Variants in DDX4 observed in about 807,000 individuals in gnomAD.
DDX4 encodes the protein probable ATP-dependent RNA helicase DDX4.
DDX4 carries 25 observed loss-of-function variants against 100.0 expected under a neutral mutation model. The observed-to-expected ratio is 0.25, with a 90% CI of 0.18 to 0.35. The LOEUF (loss-of-function observed/expected upper bound fraction) is 0.35, where lower values mean the gene tolerates loss of function less well. Ranked by LOEUF, DDX4 falls within the 10% of genes least tolerant of loss-of-function variation. The probability of loss-of-function intolerance (pLI) is 1.00; values close to 1 mark genes in which losing one functional copy is unlikely to be tolerated. For synonymous variants in DDX4, 259 were observed against 275.7 expected (o/e 0.94, Z 0.60); for missense variants, 635 against 882.4 (o/e 0.72, Z 3.55).
At chr5:55,761,243 A>C (rs1361874836) in intron 4 of DDX4, among the ~76,000 whole-genome samples, 1 of 152,200 alleles carries the variant, frequency 6.6e-6, no homozygotes, top group African/African-American at 2.4e-5. Flanking sequence ...TTGTGCTAAG[A>C]GATTCAGATG....
intron 18 of DDX4, among the ~76,000 whole-genome samples, chr5:55,804,638 T>A (rs1329910833): frequency 1.3e-5 from 2 of 152,042 alleles, no homozygotes; most frequent in South Asian, 4.1e-4. Context: ...GTTGTAGATA[T>A]GCTGCGTTAT....
chr5:55,812,508 GAGCCGAGATTGTGCCACTGCACTCCAGCA>G (rs375558930), intron 18 of DDX4, among the ~76,000 whole-genome samples: 16,362 of 151,592 alleles, frequency 0.11, 1,021 homozygotes, highest in Middle Eastern at 0.15. Flanking sequence ...AGGTTGCAGT[GAGCCGAGATTGTGCCACTGCACTCCAGCA>G]AGCCGAGATT....
intron 18 of DDX4, among the ~76,000 whole-genome samples, 164 bp downstream of exon 18, chr5:55,798,735 G>A (rs1743121604): frequency 6.6e-6 from 1 of 151,938 alleles, no homozygotes. Context: ...AGTTTTCTGG[G>A]TAAATTATAT....
chr5:55,765,413 A>AAAATATATATATATAT (rs1392558099), intron 6 of DDX4, among the ~76,000 whole-genome samples: 3 of 83,044 alleles, frequency 3.6e-5, no homozygotes, highest in Non-Finnish European at 6.4e-5. Flanking sequence ...AAAAAAAAAA[A>AAAATATATATATATAT]ATATATATAT....
chr5:55,751,283 G>A (rs1348224156), intron 3 of DDX4, among the ~76,000 whole-genome samples: 2 of 152,114 alleles, frequency 1.3e-5, no homozygotes, highest in Non-Finnish European at 2.9e-5. Context: ...GTCCAGGCTG[G>A]AGTGCAGTGC....
chr5:55,806,993 A>C (rs1743774230), intron 18 of DDX4, among the ~76,000 whole-genome samples: 1 of 152,180 alleles, frequency 6.6e-6, no homozygotes, highest in African/African-American at 2.4e-5. Context: ...TTGCTTTATG[A>C]ATCTGGGTGC....
rs138546113 is a variant in DDX4, at chr5:55,810,614, G to A, written c.1616-3059G>A. Among the ~76,000 whole-genome samples the A allele has an allele frequency of 7.0e-3, 1,070 of 152,202 alleles. 50 individuals are homozygous for A. Among genetic ancestry groups the A allele is most frequent in the Admixed American group, 0.066 (1,007 of 15,286 alleles). On this transcript the variant is annotated intron_variant, in intron 18 of 21. Coordinates refer to ENST00000505374, the MANE Select transcript of DDX4 (RefSeq NM_024415.3). ...CTATTCTCTTTAATCTTGGAAAAGT[G>A]TAGTCTTTTCTGGTTTGACAACTCT... is the stretch of plus-strand genomic sequence containing the variant.
chr5:55,786,552 A>G lies in DDX4; in HGVS notation c.899A>G (p.Asn300Ser). 2 of 1,613,408 alleles carry G rather than the reference A, an allele frequency of 1.2e-6. No individual in the cohort carries two copies. The highest frequency in any genetic ancestry group is 8.5e-7 in the Non-Finnish European group (1 of 1,179,410). The change falls in exon 14 of 22, where the codon AAT (asparagine) becomes AGT (serine). Residue 300 changes from asparagine (N) to serine (S), a missense_variant. Asn to Ser is a conservative substitution (Grantham distance 46). Coordinates refer to ENST00000505374, the MANE Select transcript of DDX4 (RefSeq NM_024415.3). ...FEEANLCQTL[N>S]NNIAKAGYTK... Reference sequence around the variant, plus strand: ...GAAGCTAATCTCTGTCAGACACTGAATAACAACATTGCTAAAGCTGGTTAT... The same window carrying G: ...GAAGCTAATCTCTGTCAGACACTGAGTAACAACATTGCTAAAGCTGGTTAT...
chr5:55,775,327 G>C (rs1741491687), intron 7 of DDX4, among the ~76,000 whole-genome samples: 1 of 152,170 alleles, frequency 6.6e-6, no homozygotes, highest in South Asian at 2.1e-4. Context: ...ACAGTTATCT[G>C]TTTGAGTCCC....
chr5:55,815,356 G>A lies in DDX4; in HGVS notation c.2030G>A (p.Ser677Asn). 6.2e-7 allele frequency: 1 copy of A among 1,613,750 alleles called. No homozygotes were observed. The highest frequency in any genetic ancestry group is 8.5e-7 in the Non-Finnish European group (1 of 1,179,962). Residue 677 changes from serine (S) to asparagine (N), a missense_variant, in exon 21 of 22, where the codon AGT becomes AAT. Ser to Asn is a conservative substitution (Grantham distance 46). Coordinates refer to ENST00000505374, the MANE Select transcript of DDX4 (RefSeq NM_024415.3). ...GCATGGTTGGAAGAAATTGCCTTTAGTACATACATTCCTGGCTTCAGTGGT... is the reference window on the plus strand; with the variant it reads ...GCATGGTTGGAAGAAATTGCCTTTAATACATACATTCCTGGCTTCAGTGGT... ...VPAWLEEIAF[S>N]TYIPGFSGST...
At chr5:55,739,427 A>G (rs1263785264) in intron 2 of DDX4, among the ~76,000 whole-genome samples, 1 of 152,214 alleles carries the variant, frequency 6.6e-6, no homozygotes, top group Non-Finnish European at 1.5e-5. Flanking sequence ...GGTTCTCAGG[A>G]TAAATGATAC....
intron 15 of DDX4, 50 bp from the exon 16 acceptor site, chr5:55,790,526 G>T: frequency 8.3e-7 from 1 of 1,205,338 alleles, no homozygotes. Context: ...AGAAACAGAT[G>T]CCTAATTTTT....
intron 7 of DDX4, 195 bp downstream of exon 7, chr5:55,768,135 TTTTTAAG>T (rs1741044910): frequency 1.8e-6 from 1 of 565,800 alleles, no homozygotes; most frequent in Non-Finnish European, 3.2e-6. Context: ...TTATTTTATT[TTTTTAAG>T]TTTTTGGTTC....
intron 3 of DDX4, among the ~76,000 whole-genome samples, chr5:55,759,001 G>A (rs1452603489): frequency 6.6e-6 from 1 of 150,418 alleles, no homozygotes; most frequent in Non-Finnish European, 1.5e-5. Flanking sequence ...TGATCCTCCT[G>A]CCTTAACCTC....
intron 18 of DDX4, among the ~76,000 whole-genome samples, chr5:55,804,223 C>A (rs1422920247): frequency 7.2e-5 from 11 of 152,044 alleles, no homozygotes; most frequent in African/African-American, 2.7e-4. Flanking sequence ...TGGATATTAG[C>A]CCTTTGTCAG....
intron 3 of DDX4, among the ~76,000 whole-genome samples, chr5:55,755,698 T>A (rs1314399740): frequency 6.6e-6 from 1 of 152,142 alleles, no homozygotes; most frequent in Non-Finnish European, 1.5e-5. Context: ...TAAAACTGTC[T>A]AGGCCAGGGC....
chr5:55,747,780 A>T (rs1759321631), intron 3 of DDX4, among the ~76,000 whole-genome samples: 1 of 152,170 alleles, frequency 6.6e-6, no homozygotes, highest in Admixed American at 6.5e-5. Context: ...CTTCCGGTGA[A>T]TTTGAGTTAC....
chr5:55,763,409 A>C (rs916556355), intron 5 of DDX4, among the ~76,000 whole-genome samples, 157 bp downstream of exon 5: 2 of 152,166 alleles, frequency 1.3e-5, no homozygotes, highest in Non-Finnish European at 2.9e-5. Context: ...ATTAAAACTT[A>C]TTAAAAACAT....
At chr5:55,745,196 A>G (rs923210017) in intron 2 of DDX4, among the ~76,000 whole-genome samples, 2 of 152,078 alleles carry the variant, frequency 1.3e-5, no homozygotes, top group Non-Finnish European at 2.9e-5. Flanking sequence ...ATTCCTTTTT[A>G]AAACATGAGA....
Sources: allele counts gnomAD v4.1 joint callset (sites outside exome capture counted in the v4.1 genomes callset), GRCh38; gene constraint gnomAD v4.1.1; transcripts MANE v1.5; gene names NCBI Gene and HGNC (gene_info 2026-07-23, HGNC 2026-07-21).